GRIP1: variants seen among roughly 807,000 people sequenced by gnomAD.
The protein encoded by GRIP1 is glutamate receptor-interacting protein 1.
In GRIP1, 45 loss-of-function variants were observed where a neutral mutation model predicts 129.9. The observed-to-expected ratio is 0.35, with a 90% CI of 0.27 to 0.44. The LOEUF is 0.44. Ranked by LOEUF, GRIP1 falls within the 20% of genes least tolerant of loss-of-function variation. The pLI is 1.00. For missense variants in GRIP1, 1,196 were observed against 1,396.8 expected, an observed-to-expected ratio of 0.86 and a Z score of 2.29; for synonymous variants, 530 against 520.8, an observed-to-expected ratio of 1.02 and a Z score of -0.24.
chr12:66,669,905 C>T (rs181479316), intron 1 of GRIP1, among the ~76,000 whole-genome samples: 53 of 152,220 alleles, frequency 3.5e-4, no homozygotes, highest in African/African-American at 1.2e-3. Context: ...TTCATTACCT[C>T]CGTTTTTAAT....
intron 1 of GRIP1, among the ~76,000 whole-genome samples, chr12:66,673,580 A>G (rs534929592): frequency 7.9e-5 from 12 of 152,336 alleles, no homozygotes; most frequent in East Asian, 3.9e-4. Flanking sequence ...TTTGGAAGAC[A>G]GGGGAGAAAT....
intron 19 of GRIP1, 48 bp downstream of exon 19, chr12:66,392,260 T>C (rs768254691): frequency 9.2e-7 from 1 of 1,085,452 alleles, no homozygotes; most frequent in Non-Finnish European, 1.4e-6. Flanking sequence ...TGGAGAAGCA[T>C]GGGCTTCAAC....
chr12:66,868,651 T>C (rs1170248875), intron 1 of GRIP1, among the ~76,000 whole-genome samples: 1 of 152,006 alleles, frequency 6.6e-6, no homozygotes, highest in Non-Finnish European at 1.5e-5. Flanking sequence ...CCCCTCAAAA[T>C]GGTAAAACTA....
At chr12:66,772,877 C>G (rs2037862210) in intron 1 of GRIP1, among the ~76,000 whole-genome samples, 1 of 152,120 alleles carries the variant, frequency 6.6e-6, no homozygotes, top group Non-Finnish European at 1.5e-5. Context: ...TAGGCCTGAG[C>G]ACAAGCTGGT....
chr12:67,068,448 C>T (rs900391942), intron 1 of GRIP1, among the ~76,000 whole-genome samples: 10 of 152,070 alleles, frequency 6.6e-5, no homozygotes, highest in African/African-American at 2.2e-4. Context: ...AGCCCCAGAC[C>T]CTGATCGAGG....
chr12:66,565,725 A>G (rs1351417233), intron 2 of GRIP1, among the ~76,000 whole-genome samples: 1 of 152,132 alleles, frequency 6.6e-6, no homozygotes, highest in African/African-American at 2.4e-5. Flanking sequence ...CAGTATGGCC[A>G]TTTTCACGAT....
rs575545947 is a variant in GRIP1 at position 66,894,023 on chromosome 12, A to G, written c.58+175027T>C. On this transcript the variant is annotated intron_variant, in intron 1 of 1. Coordinates refer to the GRIP1 transcript ENST00000643019. The stretch of plus-strand genomic sequence containing the variant: ...TTCTACTCCTCTCACCAGCCAGGCC[A>G]CTCCCAACTCAGGGCCTGTGTACTT... 8.0e-4 allele frequency among the ~76,000 whole-genome samples: 122 copies of G among 151,806 alleles called. 1 individual carries two copies. The highest frequency in any genetic ancestry group is 1.8e-4 in the Non-Finnish European group (12 of 67,922).
chr12:66,803,531 C>A (rs1393946813), intron 1 of GRIP1, among the ~76,000 whole-genome samples: 3 of 152,146 alleles, frequency 2.0e-5, no homozygotes, highest in Non-Finnish European at 2.9e-5. Flanking sequence ...TAAGAATTAA[C>A]CTTATTTAAT....
intron 5 of GRIP1, among the ~76,000 whole-genome samples, chr12:66,528,134 G>GTTTTTTTTTTTGTT (rs1565829896): frequency 7.1e-5 from 7 of 99,234 alleles, no homozygotes; most frequent in East Asian, 7.1e-4. Context: ...GAATTAGTAG[G>GTTTTTTTTTTTGTT]TTTTTTTTTT....
upstream of GRIP1, among the ~76,000 whole-genome samples, chr12:66,805,588 T>G (rs150791078): frequency 6.6e-6 from 1 of 152,320 alleles, no homozygotes; most frequent in Non-Finnish European, 1.5e-5. Context: ...TAGTTCAATA[T>G]CTGTGTAATG....
chr12:66,411,372 G>A (rs925258894), intron 15 of GRIP1, among the ~76,000 whole-genome samples: 2 of 152,032 alleles, frequency 1.3e-5, no homozygotes, highest in East Asian at 1.9e-4. Context: ...AAACCACAAC[G>A]GCACTACAGA....
At chr12:66,402,942 C>G (rs2057059169) in intron 16 of GRIP1, among the ~76,000 whole-genome samples, 1 of 152,060 alleles carries the variant, frequency 6.6e-6, no homozygotes, top group Non-Finnish European at 1.5e-5. Flanking sequence ...ACAGATAGTC[C>G]CCACTTATTG....
intron 1 of GRIP1, among the ~76,000 whole-genome samples, chr12:66,938,629 G>A (rs2041527094): frequency 6.6e-6 from 1 of 152,016 alleles, no homozygotes; most frequent in Admixed American, 6.6e-5. Flanking sequence ...GCCTCCACTA[G>A]AAAGGTTTGC....
chr12:66,947,655 T>G (rs538114590), intron 1 of GRIP1, among the ~76,000 whole-genome samples: 1 of 152,376 alleles, frequency 6.6e-6, no homozygotes, highest in South Asian at 2.1e-4. Flanking sequence ...ATGCTCTGAT[T>G]TGATGGCTGC....
At chr12:66,436,978 A>T (rs1485318294) in intron 13 of GRIP1, among the ~76,000 whole-genome samples, 1 of 24,182 alleles carries the variant, frequency 4.1e-5, no homozygotes, top group Non-Finnish European at 1.8e-4. Flanking sequence ...TGTCTCCAAA[A>T]AAAAAAAAAA....
At chr12:66,565,511 G>C (rs1421975604) in intron 2 of GRIP1, among the ~76,000 whole-genome samples, 1 of 152,154 alleles carries the variant, frequency 6.6e-6, no homozygotes, top group Non-Finnish European at 1.5e-5. Context: ...GTACCATGCT[G>C]TTTTGGTTAC....
intron 1 of GRIP1, among the ~76,000 whole-genome samples, chr12:66,761,526 A>C (rs768620687): frequency 5.3e-5 from 8 of 152,050 alleles, no homozygotes; most frequent in Non-Finnish European, 1.0e-4. Context: ...CATTAAATGT[A>C]ATTTCTTCTT....
intron 1 of GRIP1, among the ~76,000 whole-genome samples, chr12:66,712,103 C>T (rs2035730902): frequency 6.6e-6 from 1 of 151,870 alleles, no homozygotes; most frequent in Non-Finnish European, 1.5e-5. Flanking sequence ...ATAATACAAT[C>T]ATATACGTTT....
intron 1 of GRIP1, among the ~76,000 whole-genome samples, chr12:66,740,661 T>C (rs1017712261): frequency 6.6e-6 from 1 of 152,230 alleles, no homozygotes; most frequent in Non-Finnish European, 1.5e-5. Context: ...CTTACATCTA[T>C]AAGAGCAGTT....
Sources: gnomAD v4.1 joint callset for allele counts (sites outside exome capture counted in the v4.1 genomes callset) on GRCh38, gnomAD v4.1.1 for gene constraint, MANE v1.5 for transcripts, NCBI Gene and HGNC (gene_info 2026-07-23, HGNC 2026-07-21) for gene names.